DMXL2: variants seen among roughly 807,000 people sequenced by gnomAD.
DMXL2 encodes the protein dmX-like protein 2.
Under a neutral mutation model 331.1 loss-of-function variants are expected in DMXL2, and 103 were observed. The ratio of observed to expected loss-of-function variants is 0.31; its 90% confidence interval spans 0.27 to 0.37. The LOEUF is 0.37. DMXL2 is among the 10% of genes least tolerant of loss of function. The pLI is 1.00. For missense variants in DMXL2, 3,171 were observed against 3,642.9 expected (o/e 0.87, Z 3.33); for synonymous variants, 1,281 against 1,252.1 (o/e 1.02, Z -0.49).
chr15:51,541,664 CAACTAT>C (rs2048603876), intron 9 of DMXL2, among the ~76,000 whole-genome samples: 1 of 152,112 alleles, frequency 6.6e-6, no homozygotes, highest in South Asian at 2.1e-4. Flanking sequence ...CAATAACATA[CAACTAT>C]AACTTTATAT....
chr15:51,550,432 G>A (rs974010722), intron 6 of DMXL2, among the ~76,000 whole-genome samples: 8 of 152,032 alleles, frequency 5.3e-5, no homozygotes, highest in South Asian at 2.1e-4. Context: ...TATAATTCAC[G>A]AATATAACAT....
intron 2 of DMXL2, 71 bp downstream of exon 2, chr15:51,575,985 A>G: frequency 7.0e-7 from 1 of 1,438,274 alleles, no homozygotes; most frequent in Non-Finnish European, 9.5e-7. Flanking sequence ...TTTGCATAAA[A>G]GGATAAGAAG....
intron 28 of DMXL2, 33 bp downstream of exon 28, chr15:51,474,311 T>G (rs1230013977): frequency 1.3e-6 from 2 of 1,555,016 alleles, no homozygotes; most frequent in South Asian, 1.2e-5. Context: ...TGATTAACAT[T>G]TACATACATT....
chr15:51,529,910 T>C (rs2047903851), intron 13 of DMXL2, among the ~76,000 whole-genome samples: 2 of 152,050 alleles, frequency 1.3e-5, no homozygotes, highest in Non-Finnish European at 2.9e-5. Context: ...TAAAAGATCA[T>C]TTATCATAAC....
rs778173955 is a variant in DMXL2 at position 51,536,458 on chromosome 15, T to C, written c.2022A>G (p.Leu674=). Residue 674 remains leucine, a synonymous_variant, in exon 12 of 44, where the codon CTA becomes CTG. Coordinates refer to ENST00000560891, the MANE Select transcript of DMXL2 (RefSeq NM_001378457.1). The part of the protein sequence containing the change: ...LLLTSSHHNA[L]LTPELDCQWD... ...ACTGACAATCTAATTCAGGAGTCAA[T>C]AGAGCATTATGATGAGAGGATGTCA... is the stretch of plus-strand genomic sequence containing the variant. 1.2e-5 allele frequency: 20 copies of C among 1,614,020 alleles called. No individual in the cohort carries two copies. In the Middle Eastern group the frequency reaches 6.6e-4, roughly 53 times the overall value.
chr15:51,486,541 C>T (rs1352499362), intron 22 of DMXL2, among the ~76,000 whole-genome samples: 1 of 152,014 alleles, frequency 6.6e-6, no homozygotes, highest in African/African-American at 2.4e-5. Context: ...CCAAACTAGA[C>T]AGATCATTTA....
Position 51,616,922 on chromosome 15 carries a change from G to A in DMXL2, c.87+5537C>T, listed in dbSNP as rs945530465. 3.3e-5 allele frequency among the ~76,000 whole-genome samples: 4 copies of A among 121,906 alleles called. No homozygotes were observed. In the Admixed American group the frequency reaches 3.9e-4, roughly 12 times the overall value. 80.0% of individuals were successfully genotyped at this position (121,906 alleles called of 152,430 possible). ...ACTGCACTCCAGCCTGGGTGACAGAGTGAGACTCCATCTAAAAAAAAAAAA... is the reference window on the plus strand; with the variant it reads ...ACTGCACTCCAGCCTGGGTGACAGAATGAGACTCCATCTAAAAAAAAAAAA... On this transcript the variant is annotated intron_variant, in intron 1 of 43. Coordinates refer to ENST00000560891, the MANE Select transcript of DMXL2 (RefSeq NM_001378457.1).
intron 16 of DMXL2, among the ~76,000 whole-genome samples, chr15:51,505,607 G>A (rs374984592): frequency 6.6e-6 from 1 of 152,184 alleles, no homozygotes; most frequent in African/African-American, 2.4e-5. Context: ...GGCTTTGAAA[G>A]AATTTTTAAA....
chr15:51,572,870 C>T (rs900560691), intron 2 of DMXL2, among the ~76,000 whole-genome samples: 32 of 152,132 alleles, frequency 2.1e-4, no homozygotes, highest in Non-Finnish European at 8.8e-5. Flanking sequence ...CTTTGCAAAC[C>T]AGTACAAGAC....
At chr15:51,501,302 C>T (rs544558282) in intron 17 of DMXL2, among the ~76,000 whole-genome samples, 1 of 152,194 alleles carries the variant, frequency 6.6e-6, no homozygotes, top group Non-Finnish European at 1.5e-5. Context: ...CCCAAAAACA[C>T]TATTCTAGAA....
chr15:51,514,597 G>C (rs183942949), intron 14 of DMXL2, 38 bp from the exon 15 acceptor site: 29 of 1,289,604 alleles, frequency 2.2e-5, no homozygotes, highest in Non-Finnish European at 2.1e-5. Context: ...TTTTATCTTT[G>C]AAATTCCCTG....
intron 1 of DMXL2, among the ~76,000 whole-genome samples, chr15:51,597,415 T>C (rs535563241): frequency 1.3e-5 from 2 of 152,318 alleles, no homozygotes; most frequent in East Asian, 3.9e-4. Context: ...GAACTTTATG[T>C]AAATGGAATC....
At chr15:51,537,883 A>C in intron 10 of DMXL2, 124 bp from the exon 11 acceptor site, 1 of 1,183,388 alleles carries the variant, frequency 8.5e-7, no homozygotes, top group South Asian at 1.7e-5. Flanking sequence ...TCAGAAAAAA[A>C]AACAAAGGAA....
At chr15:51,610,716 C>T (rs1351703488) in intron 1 of DMXL2, among the ~76,000 whole-genome samples, 1 of 150,958 alleles carries the variant, frequency 6.6e-6, no homozygotes, top group East Asian at 1.9e-4. Context: ...TGCAGTGAGC[C>T]GAGATCGCGC....
rs758501362 is a variant in DMXL2, at chr15:51,456,369, G to C, written c.8338C>G (p.Leu2780Val). The change falls in exon 38 of 44, where the codon CTT becomes GTT. Residue 2780 changes from leucine (L) to valine (V), a missense_variant and splice_region_variant. Physicochemically the swap from Leu to Val is conservative, Grantham distance 32 (BLOSUM62 1). Coordinates refer to ENST00000560891, the MANE Select transcript of DMXL2 (RefSeq NM_001378457.1). ...TGQTSTGASV[L>V]MKRNLHNVKR... ...ACATTATGTAGATTCCTTTTCATAA[G>C]CTTTAAAAGAAAATTTTAAAAATTT... The C allele has an allele frequency of 8.3e-6, 13 of 1,569,930 alleles. No individual in the cohort carries two copies. In the South Asian group the frequency reaches 1.5e-4, roughly 19 times the overall value.
chr15:51,534,656 T>C (rs563059536), intron 13 of DMXL2, among the ~76,000 whole-genome samples: 4 of 152,188 alleles, frequency 2.6e-5, no homozygotes, highest in Non-Finnish European at 4.4e-5. Flanking sequence ...TTCTAGACTT[T>C]CTCTATGTCA....
At chr15:51,566,374 C>T (rs770493273) in intron 3 of DMXL2, among the ~76,000 whole-genome samples, 4 of 151,996 alleles carry the variant, frequency 2.6e-5, no homozygotes, top group Non-Finnish European at 4.4e-5. Context: ...GCTGACCAAA[C>T]AACAATCACA....
chr15:51,618,516 G>C (rs1215545449), intron 1 of DMXL2, among the ~76,000 whole-genome samples: 1 of 151,504 alleles, frequency 6.6e-6, no homozygotes, highest in African/African-American at 2.4e-5. Flanking sequence ...TAAATGAATG[G>C]TTTTCCATTT....
intron 31 of DMXL2, 145 bp from the exon 32 acceptor site, chr15:51,465,021 T>A: frequency 2.7e-6 from 2 of 752,174 alleles, no homozygotes; most frequent in Non-Finnish European, 4.2e-6. Context: ...TTTAGATTCT[T>A]AATGCTTTCA....
Sources: allele counts gnomAD v4.1 joint callset (sites outside exome capture counted in the v4.1 genomes callset), GRCh38; gene constraint gnomAD v4.1.1; transcripts MANE v1.5; gene names NCBI Gene and HGNC (gene_info 2026-07-23, HGNC 2026-07-21).